Variants in NCAM2 observed in about 807,000 individuals in gnomAD.
NCAM2 encodes neural cell adhesion molecule 2.
In NCAM2, 30 loss-of-function variants were observed where a neutral mutation model predicts 98.1. The observed-to-expected ratio is 0.31, with a 90% confidence interval of 0.23 to 0.41. NCAM2 has a LOEUF of 0.41. Ranked by LOEUF, NCAM2 falls within the 10% of genes least tolerant of loss-of-function variation. The pLI, the probability that NCAM2 is intolerant of heterozygous loss-of-function variation, is 1.00. For synonymous variants in NCAM2, 368 were observed against 342.4 expected (o/e 1.07, Z -0.83); for missense variants, 867 against 1,005.8 (o/e 0.86, Z 1.87).
intron 8 of NCAM2, among the ~76,000 whole-genome samples, chr21:21,362,819 A>C (rs754207398): frequency 1.3e-5 from 2 of 152,212 alleles, no homozygotes; most frequent in African/African-American, 2.4e-5. Flanking sequence ...GGTAATAACT[A>C]TGAATATGTT....
intron 12 of NCAM2, among the ~76,000 whole-genome samples, chr21:21,447,317 TA>T (rs149923637): frequency 0.012 from 1,802 of 152,210 alleles, 49 homozygotes; most frequent in African/African-American, 0.041. Flanking sequence ...TCCTTTTCAA[TA>T]AATGGTGCTG....
chr21:21,376,234 C>T (rs1045008235), intron 9 of NCAM2, among the ~76,000 whole-genome samples: 3 of 151,728 alleles, frequency 2.0e-5, no homozygotes, highest in Admixed American at 6.6e-5. Context: ...AATTATTGTC[C>T]ATGCATGACA....
At position 21,541,998 on chromosome 21, in the gene NCAM2, G is replaced by C. The variant is rs1392874092; in HGVS notation, c.*4041G>C. ...GCATTAATACTTAGTCACTCACATT[G>C]AAATTGCATATGGATGTATCAACAT... is the stretch of plus-strand genomic sequence containing the variant. On this transcript the variant is annotated 3_prime_UTR_variant, in exon 18 of 18. Transcript: ENST00000400546. 3 of 151,750 alleles carry C rather than the reference G, an allele frequency of 2.0e-5. No individual in the cohort carries two copies. The highest frequency in any genetic ancestry group is 4.4e-5 in the Non-Finnish European group (3 of 67,796). 9.4% of individuals were successfully genotyped at this position (151,750 alleles called of 1,614,324 possible). A position where few individuals can be genotyped will look rare whatever the true frequency, so the allele number is the denominator to read the frequency against.
At chr21:21,095,490 A>T (rs34892973) in intron 1 of NCAM2, among the ~76,000 whole-genome samples, 1,651 of 60,416 alleles carry the variant, frequency 0.027, 24 homozygotes, top group African/African-American at 0.2. Context: ...TTACCTTTTT[A>T]AAAAAAAAAG....
intron 12 of NCAM2, among the ~76,000 whole-genome samples, chr21:21,438,125 C>G (rs1390231016): frequency 6.6e-6 from 1 of 152,100 alleles, no homozygotes; most frequent in African/African-American, 2.4e-5. Context: ...TCTTTTCCCT[C>G]TGAGCAGCTT....
At chr21:21,084,352 A>G (rs777387406) in intron 1 of NCAM2, among the ~76,000 whole-genome samples, 7 of 152,210 alleles carry the variant, frequency 4.6e-5, no homozygotes, top group Non-Finnish European at 1.0e-4. Flanking sequence ...TCATCTGTTT[A>G]GATTCCTGTT....
At chr21:21,000,916 T>C (rs377633629) in intron 1 of NCAM2, among the ~76,000 whole-genome samples, 64 of 152,208 alleles carry the variant, frequency 4.2e-4, no homozygotes, top group South Asian at 2.1e-3. Context: ...CTAGTGTAAC[T>C]CATGATTTTG....
chr21:21,412,538 A>T (rs1313697676), intron 10 of NCAM2, among the ~76,000 whole-genome samples: 4 of 152,176 alleles, frequency 2.6e-5, no homozygotes, highest in Non-Finnish European at 4.4e-5. Context: ...CTCTATATTT[A>T]ATGTGAAGGG....
chr21:21,174,814 A>C (rs1021285927), intron 1 of NCAM2, among the ~76,000 whole-genome samples: 5 of 152,140 alleles, frequency 3.3e-5, no homozygotes, highest in Non-Finnish European at 5.9e-5. Context: ...ATCTTTAAAT[A>C]GAAAGGCCAG....
chr21:21,493,660 A>G (rs1017674951), intron 15 of NCAM2, among the ~76,000 whole-genome samples: 14 of 151,924 alleles, frequency 9.2e-5, no homozygotes, highest in Non-Finnish European at 4.4e-5. Context: ...GGTACCATAC[A>G]TAATAAATTC....
chr21:21,484,795 T>G lies in NCAM2; in HGVS notation c.2077+7324T>G, dbSNP rs528856608. The stretch of plus-strand genomic sequence containing the variant: ...GGAAATTCAATCGGGATTGCTACTT[T>G]CAGCTACCAGTTCACTGCATAACAT... On this transcript the variant is annotated intron_variant, in intron 15 of 17. Coordinates refer to ENST00000400546, the MANE Select transcript of NCAM2 (RefSeq NM_004540.5). Among the ~76,000 whole-genome samples the G allele has an allele frequency of 7.2e-5, 11 of 152,286 alleles. No homozygotes were observed. In the South Asian group the frequency reaches 1.9e-3, roughly 26 times the overall value.
At chr21:21,516,606 T>G (rs1216628176) in intron 16 of NCAM2, among the ~76,000 whole-genome samples, 5 of 152,080 alleles carry the variant, frequency 3.3e-5, no homozygotes, top group Non-Finnish European at 7.4e-5. Flanking sequence ...TTTTTTCTCT[T>G]CTCTTTTTTC....
chr21:21,454,544 G>T (rs547298823), intron 12 of NCAM2, among the ~76,000 whole-genome samples: 1 of 152,108 alleles, frequency 6.6e-6, no homozygotes, highest in Non-Finnish European at 1.5e-5. Context: ...GTATTAGACT[G>T]TAAAACGATT....
intron 1 of NCAM2, among the ~76,000 whole-genome samples, chr21:21,256,385 A>G (rs2071674493): frequency 2.0e-5 from 3 of 152,144 alleles, no homozygotes; most frequent in South Asian, 4.1e-4. Context: ...GATAATAGTA[A>G]TATTTCTAAT....
rs146816151 is a variant in NCAM2, at chr21:21,171,005, A to G, written c.56-109573A>G. 1.2e-4 allele frequency among the ~76,000 whole-genome samples: 19 copies of G among 152,296 alleles called. No individual in the cohort carries two copies. The East Asian group carries it at 3.1e-3, about 25-fold the overall frequency. On this transcript the variant is annotated intron_variant, in intron 1 of 17. Coordinates refer to ENST00000400546, the MANE Select transcript of NCAM2 (RefSeq NM_004540.5). ...GCCTTTCATTTAAAGGGTTTTGGAA[A>G]CACTTTTCAGCTTTAAATTTGATAT...
At chr21:21,004,049 A>G (rs931087981) in intron 1 of NCAM2, among the ~76,000 whole-genome samples, 2 of 152,216 alleles carry the variant, frequency 1.3e-5, no homozygotes, top group Non-Finnish European at 2.9e-5. Context: ...CATAATGAAG[A>G]TAAATGACTT....
intron 12 of NCAM2, among the ~76,000 whole-genome samples, chr21:21,460,107 G>T (rs1012991894): frequency 7.2e-5 from 11 of 151,900 alleles, no homozygotes; most frequent in African/African-American, 2.6e-4. Context: ...AAAGCTGGGA[G>T]AAAAGCATAT....
chr21:21,111,429 G>T (rs957849317), intron 1 of NCAM2, among the ~76,000 whole-genome samples: 17 of 152,260 alleles, frequency 1.1e-4, no homozygotes, highest in African/African-American at 4.1e-4. Flanking sequence ...TAAGCTCTGG[G>T]ACACCCACAA....
intron 1 of NCAM2, among the ~76,000 whole-genome samples, chr21:21,126,236 T>TAAAAA (rs778070776): frequency 0.5 from 48,818 of 96,972 alleles, 14,859 homozygotes; most frequent in East Asian, 0.74. Context: ...TCATGGAACA[T>TAAAAA]AAAAAAAAAA....
Sources: allele counts gnomAD v4.1 joint callset (sites outside exome capture counted in the v4.1 genomes callset), GRCh38; gene constraint gnomAD v4.1.1; transcripts MANE v1.5; gene names NCBI Gene and HGNC (gene_info 2026-07-23, HGNC 2026-07-21).